The following GAPT variants were observed in gnomAD, a reference collection of about 807,000 sequenced individuals.
The protein encoded by GAPT is GRB2 binding adaptor protein, transmembrane, also known as protein GAPT.
For missense variants in GAPT, 206 were observed against 189.2 expected (o/e 1.09, Z -0.52); for synonymous variants, 82 against 69.7 (o/e 1.18, Z -0.88).
chr5:58,492,491 C>T (rs1744283897), intron 1 of GAPT, among the ~76,000 whole-genome samples: 1 of 152,134 alleles, frequency 6.6e-6, no homozygotes, highest in African/African-American at 2.4e-5. Flanking sequence ...AGGGACCCTG[C>T]AGATTGTAAA....
In GAPT at chr5:58,495,131, A is replaced by C. The variant is rs1744411632; in HGVS notation, c.*121A>C. On this transcript the variant is annotated 3_prime_UTR_variant, in exon 3 of 3. Coordinates refer to ENST00000502276, the MANE Select transcript of GAPT (RefSeq NM_001304431.2). ...GTAGACTGGATAAAGAAAATGTGGT[A>C]CACATACACCATAGAATATTATGCA... The C allele has an allele frequency of 7.8e-6, 5 of 642,486 alleles. No individual in the cohort carries two copies. Among genetic ancestry groups the C allele is most frequent in the Non-Finnish European group, 1.3e-5 (5 of 374,932 alleles). The allele number at this position is 642,486 out of a possible 1,614,324, so 39.8% of individuals were successfully genotyped here.
intron 1 of GAPT, among the ~76,000 whole-genome samples, chr5:58,493,435 G>C (rs1177435096): frequency 6.6e-6 from 1 of 152,150 alleles, no homozygotes; most frequent in African/African-American, 2.4e-5. Flanking sequence ...GAGAAAACCT[G>C]TGATACTAAG....
At position 58,492,506 on chromosome 5, in the gene GAPT, A is replaced by G. The variant is rs7727851; in HGVS notation, c.-419+965A>G. ...AGGGACCCTGCAGATTGTAAATCTT[A>G]TGTGGCGGACCATACAGTTCTCAAC... On this transcript the variant is annotated intron_variant, in intron 1 of 2. Transcript: ENST00000502276. Among the ~76,000 whole-genome samples the G allele has an allele frequency of 5.0e-3, 764 of 152,280 alleles. 5 individuals carry two copies. The highest frequency in any genetic ancestry group is 0.018 in the African/African-American group (737 of 41,580).
rs1258583707 is a variant in GAPT at position 58,491,535 on chromosome 5, T to C, written c.-425T>C. 1 of 152,160 alleles carries C rather than the reference T, an allele frequency of 6.6e-6. No individual in the cohort carries two copies. Among genetic ancestry groups the C allele is most frequent in the Non-Finnish European group, 1.5e-5 (1 of 68,016 alleles). 9.4% of individuals were successfully genotyped at this position (152,160 alleles called of 1,614,324 possible). The stretch of plus-strand genomic sequence containing the variant: ...CAAAAGAGAGAGCTTGACACACCAA[T>C]CTTGAGGTAAGTAAGAACCTGATTT... On this transcript the variant is annotated 5_prime_UTR_variant, in exon 1 of 3. Coordinates refer to ENST00000502276, the MANE Select transcript of GAPT (RefSeq NM_001304431.2).
chr5:58,495,281 C>A lies in GAPT; in HGVS notation c.*271C>A. On this transcript the variant is annotated 3_prime_UTR_variant, in exon 3 of 3. Transcript: ENST00000502276. ...AGGAGAGGAACAACAGACACTGGGG[C>A]CTACTTGAGGGAGGACAGTGGAAGG... The A allele has an allele frequency of 5.7e-6, 2 of 351,940 alleles. No homozygotes were observed. Among genetic ancestry groups the A allele is most frequent in the Non-Finnish European group, 5.2e-6 (1 of 192,514 alleles). 21.8% of individuals were successfully genotyped at this position (351,940 alleles called of 1,614,324 possible). A position where few individuals can be genotyped will look rare whatever the true frequency, so the allele number is the denominator to read the frequency against.
chr5:58,492,540 T>C (rs1400204750), intron 1 of GAPT, among the ~76,000 whole-genome samples: 1 of 152,122 alleles, frequency 6.6e-6, no homozygotes, highest in Non-Finnish European at 1.5e-5. Flanking sequence ...ACCTCAATAT[T>C]ACTCCCAAAA....
At position 58,496,685 on chromosome 5, in the gene GAPT, G is replaced by A. The variant is rs1415423971; in HGVS notation, c.*1675G>A. The stretch of plus-strand genomic sequence containing the variant: ...ACCGAAAGGCAGTAGGAGGCAACAG[G>A]GAATTGCTCCTGCCTATTCTTTCTG... On this transcript the variant is annotated 3_prime_UTR_variant, in exon 3 of 3. Coordinates refer to ENST00000502276, the MANE Select transcript of GAPT (RefSeq NM_001304431.2). 1 of 167,050 alleles carries A rather than the reference G, an allele frequency of 6.0e-6. No individual in the cohort carries two copies. The highest frequency in any genetic ancestry group is 1.5e-5 in the Non-Finnish European group (1 of 68,120). 10.3% of individuals were successfully genotyped at this position (167,050 alleles called of 1,614,324 possible).
At chr5:58,492,004 G>A (rs1024123296) in intron 1 of GAPT, among the ~76,000 whole-genome samples, 20 of 151,916 alleles carry the variant, frequency 1.3e-4, no homozygotes, top group African/African-American at 4.6e-4. Context: ...ATGTTATTTC[G>A]AAGAAAATGA....
In GAPT at chr5:58,495,269, C is replaced by G. The variant is rs1408196069; in HGVS notation, c.*259C>G. ...CACATGGAGAGAAGGAGAGGAACAA[C>G]AGACACTGGGGCCTACTTGAGGGAG... On this transcript the variant is annotated 3_prime_UTR_variant, in exon 3 of 3. Coordinates refer to ENST00000502276, the MANE Select transcript of GAPT (RefSeq NM_001304431.2). The G allele has an allele frequency of 8.1e-6, 3 of 371,740 alleles. No individual in the cohort carries two copies. Among genetic ancestry groups the G allele is most frequent in the Non-Finnish European group, 1.5e-5 (3 of 204,662 alleles). 23.0% of individuals were successfully genotyped at this position (371,740 alleles called of 1,614,324 possible).
chr5:58,495,044 T>C lies in GAPT; in HGVS notation c.*34T>C. ...AATATTGACTTTTGTTATTGGATGA[T>C]AAATATTCACTGTAATTTTTCAACA... is the stretch of plus-strand genomic sequence containing the variant. On this transcript the variant is annotated 3_prime_UTR_variant, in exon 3 of 3. Coordinates refer to ENST00000502276, the MANE Select transcript of GAPT (RefSeq NM_001304431.2). 1 of 1,357,278 alleles carries C rather than the reference T, an allele frequency of 7.4e-7. No homozygotes were observed. Among genetic ancestry groups the C allele is most frequent in the Non-Finnish European group, 1.0e-6 (1 of 973,658 alleles). 84.1% of individuals were successfully genotyped at this position (1,357,278 alleles called of 1,614,324 possible). A position where few individuals can be genotyped will look rare whatever the true frequency, so the allele number is the denominator to read the frequency against.
intron 1 of GAPT, 95 bp downstream of exon 1, chr5:58,491,636 T>C (rs1168528171): frequency 1.3e-5 from 2 of 152,154 alleles, no homozygotes; most frequent in Non-Finnish European, 2.9e-5. Context: ...CTTACTACAG[T>C]TTTTAGAAAA....
chr5:58,492,910 C>T (rs1039638688), intron 1 of GAPT, among the ~76,000 whole-genome samples: 32 of 152,164 alleles, frequency 2.1e-4, no homozygotes, highest in African/African-American at 7.7e-4. Flanking sequence ...TATATGATTT[C>T]CAACCTTCGA....
chr5:58,494,693 A>G lies in GAPT; in HGVS notation c.157A>G (p.Arg53Gly). The change falls in exon 3 of 3, where the codon AGG becomes GGG. Residue 53 changes from arginine (R) to glycine (G), a missense_variant. Coordinates refer to ENST00000502276, the MANE Select transcript of GAPT (RefSeq NM_001304431.2). The part of the protein sequence containing the change: ...LPRFLQRRSS[R>G]RKVCTKTFLG... ...GAGGTTTTTACAAAGGAGAAGCAGCAGGAGAAAAGTCTGTACTAAAACATT... is the reference window on the plus strand; with the variant it reads ...GAGGTTTTTACAAAGGAGAAGCAGCGGGAGAAAAGTCTGTACTAAAACATT... 6.2e-7 allele frequency: 1 copy of G among 1,614,036 alleles called. No individual in the cohort carries two copies. The highest frequency in any genetic ancestry group is 8.5e-7 in the Non-Finnish European group (1 of 1,179,972).
At position 58,494,904 on chromosome 5, in the gene GAPT, A is replaced by AT. The variant is rs1361814995; in HGVS notation, c.369dup (p.Ile124TyrfsTer5). 1.2e-6 allele frequency: 2 copies of AT among 1,614,040 alleles called. No homozygotes were observed. Among genetic ancestry groups the AT allele is most frequent in the Non-Finnish European group, 1.7e-6 (2 of 1,179,904 alleles). ...ACAGGGCAGTCTAATTTCGAGGAGCATATCTATGGAAATGAGACATCTTCT... is the reference window on the plus strand; with the variant it reads ...ACAGGGCAGTCTAATTTCGAGGAGCATTATCTATGGAAATGAGACATCTTCT... On this transcript the variant is annotated frameshift_variant, in exon 3 of 3. Transcript: ENST00000502276. LOFTEE classifies it low-confidence loss of function (END_TRUNC).
rs1457357197 is a variant in GAPT, at chr5:58,496,471, C to T, written c.*1461C>T. 1 of 167,060 alleles carries T rather than the reference C, an allele frequency of 6.0e-6. No individual in the cohort carries two copies. The highest frequency in any genetic ancestry group is 1.5e-5 in the Non-Finnish European group (1 of 68,138). 10.3% of individuals were successfully genotyped at this position (167,060 alleles called of 1,614,324 possible). A position where few individuals can be genotyped will look rare whatever the true frequency, so the allele number is the denominator to read the frequency against. ...AAAAGAGAGACATGGATCCTGAACA[C>T]ATACAGTCTAGTAGGAAAGAAAACA... is the stretch of plus-strand genomic sequence containing the variant. On this transcript the variant is annotated 3_prime_UTR_variant, in exon 3 of 3. Transcript: ENST00000502276.
chr5:58,493,695 A>G lies in GAPT; in HGVS notation c.-418-16A>G, dbSNP rs1744333704. On this transcript the variant is annotated splice_polypyrimidine_tract_variant and intron_variant, in intron 1 of 2. Transcript: ENST00000502276. ...CACCATTTAACCAAGTAAGAATACA[A>G]TTCTCTCTCATTTAGGTTATCACGC... The G allele has an allele frequency of 6.6e-6, 1 of 152,128 alleles. No homozygotes were observed. Among genetic ancestry groups the G allele is most frequent in the Non-Finnish European group, 1.5e-5 (1 of 68,016 alleles). 9.4% of individuals were successfully genotyped at this position (152,128 alleles called of 1,614,324 possible). A position where few individuals can be genotyped will look rare whatever the true frequency, so the allele number is the denominator to read the frequency against.
intron 1 of GAPT, among the ~76,000 whole-genome samples, chr5:58,493,048 T>G (rs981014984): frequency 7.2e-5 from 11 of 152,152 alleles, no homozygotes; most frequent in Non-Finnish European, 1.6e-4. Flanking sequence ...ACATTTTGGT[T>G]GTAAGGAAGT....
chr5:58,495,086 A>G lies in GAPT; in HGVS notation c.*76A>G. The G allele has an allele frequency of 2.2e-6, 2 of 905,122 alleles. No individual in the cohort carries two copies. Among genetic ancestry groups the G allele is most frequent in the Non-Finnish European group, 3.4e-6 (2 of 595,114 alleles). The allele number at this position is 905,122 out of a possible 1,614,324, so 56.1% of individuals were successfully genotyped here. Reference sequence around the variant, plus strand: ...TTTTCAACAGCAAAGACAAGGAATCAAACTAAATGTTGATCAACTGTAGAC... The same window carrying G: ...TTTTCAACAGCAAAGACAAGGAATCGAACTAAATGTTGATCAACTGTAGAC... On this transcript the variant is annotated 3_prime_UTR_variant, in exon 3 of 3. Coordinates refer to ENST00000502276, the MANE Select transcript of GAPT (RefSeq NM_001304431.2).
At position 58,496,689 on chromosome 5, in the gene GAPT, T is replaced by C. The variant is rs1744460487; in HGVS notation, c.*1679T>C. The C allele has an allele frequency of 6.0e-6, 1 of 167,094 alleles. No homozygotes were observed. The highest frequency in any genetic ancestry group is 2.4e-5 in the African/African-American group (1 of 41,448). The allele number at this position is 167,094 out of a possible 1,614,324, so 10.4% of individuals were successfully genotyped here. A position where few individuals can be genotyped will look rare whatever the true frequency, so the allele number is the denominator to read the frequency against. ...AAAGGCAGTAGGAGGCAACAGGGAA[T>C]TGCTCCTGCCTATTCTTTCTGTTGC... is the stretch of plus-strand genomic sequence containing the variant. On this transcript the variant is annotated 3_prime_UTR_variant, in exon 3 of 3. Coordinates refer to ENST00000502276, the MANE Select transcript of GAPT (RefSeq NM_001304431.2).
Sources: gnomAD v4.1 joint callset for allele counts (sites outside exome capture counted in the v4.1 genomes callset) on GRCh38, gnomAD v4.1.1 for gene constraint, MANE v1.5 for transcripts, NCBI Gene and HGNC (gene_info 2026-07-23, HGNC 2026-07-21) for gene names.